Variants in NPFFR2 observed in about 807,000 individuals in gnomAD.
NPFFR2 encodes the protein neuropeptide FF receptor 2.
NPFFR2 carries 15 observed loss-of-function variants against 13.1 expected under a neutral mutation model. The observed-to-expected ratio is 1.15, with a 90% confidence interval of 0.77 to 1.76. The LOEUF is 1.76. Among genes scored for constraint, NPFFR2 ranks in the 40% most tolerant of loss-of-function variants. NPFFR2 has a pLI of 0.00. For synonymous variants in NPFFR2, 190 were observed against 175.7 expected, an observed-to-expected ratio of 1.08 and a Z score of -0.65; for missense variants, 572 against 503.5, an observed-to-expected ratio of 1.14 and a Z score of -1.30.
intron 1 of NPFFR2, among the ~76,000 whole-genome samples, chr4:72,049,614 G>A (rs1560394495): frequency 6.6e-6 from 1 of 151,924 alleles, no homozygotes; most frequent in African/African-American, 2.4e-5. Context: ...ATATGATTTG[G>A]CAACTAAGAG....
At chr4:72,043,023 C>A (rs950090087) in intron 1 of NPFFR2, among the ~76,000 whole-genome samples, 2 of 152,188 alleles carry the variant, frequency 1.3e-5, no homozygotes, top group African/African-American at 4.8e-5. Context: ...TCCAGGCCCC[C>A]TTGCTGTGTT....
At chr4:72,118,127 A>G (rs1045619353) in intron 1 of NPFFR2, among the ~76,000 whole-genome samples, 2 of 152,232 alleles carry the variant, frequency 1.3e-5, no homozygotes, top group Admixed American at 6.5e-5. Flanking sequence ...TGTGCTTTAT[A>G]TAAATTATAT....
intron 1 of NPFFR2, among the ~76,000 whole-genome samples, chr4:72,092,902 C>G (rs1204023043): frequency 6.6e-6 from 1 of 151,796 alleles, no homozygotes; most frequent in Non-Finnish European, 1.5e-5. Flanking sequence ...TGAATACCTT[C>G]TTTTCATCAT....
chr4:72,080,975 A>G (rs973882731), intron 1 of NPFFR2, among the ~76,000 whole-genome samples: 11 of 152,148 alleles, frequency 7.2e-5, no homozygotes, highest in Non-Finnish European at 1.0e-4. Context: ...AGATCCCTCC[A>G]CAACCTCCCT....
chr4:72,087,231 C>T (rs907862784), intron 1 of NPFFR2, among the ~76,000 whole-genome samples: 8 of 152,012 alleles, frequency 5.3e-5, no homozygotes, highest in Non-Finnish European at 1.0e-4. Context: ...TTATGGTCAA[C>T]GCAGCAGCTT....
At chr4:72,080,691 G>A (rs961724217) in intron 1 of NPFFR2, among the ~76,000 whole-genome samples, 3 of 152,128 alleles carry the variant, frequency 2.0e-5, no homozygotes, top group African/African-American at 7.2e-5. Flanking sequence ...TAGGAGCTAT[G>A]TTCTCCATAA....
intron 1 of NPFFR2, among the ~76,000 whole-genome samples, chr4:72,110,156 C>A (rs972962994): frequency 2.0e-5 from 3 of 151,888 alleles, no homozygotes; most frequent in African/African-American, 7.3e-5. Context: ...GGGGTGGTTA[C>A]CCCCATGCTG....
intron 1 of NPFFR2, among the ~76,000 whole-genome samples, chr4:72,076,021 G>C (rs1373512853): frequency 2.0e-4 from 1 of 5,120 alleles, no homozygotes; most frequent in African/African-American, 3.4e-4. Flanking sequence ...AGAGAGAGAG[G>C]GCAGACAGCA....
intron 3 of NPFFR2, among the ~76,000 whole-genome samples, chr4:72,139,329 T>G (rs1167716859): frequency 1.3e-5 from 2 of 152,224 alleles, no homozygotes; most frequent in Non-Finnish European, 2.9e-5. Flanking sequence ...ATGAAGTCCT[T>G]GCCCATTCCT....
chr4:72,146,315 T>A (rs1259052357), intron 3 of NPFFR2, among the ~76,000 whole-genome samples: 1 of 152,158 alleles, frequency 6.6e-6, no homozygotes, highest in Non-Finnish European at 1.5e-5. Context: ...TTCATCTAAT[T>A]CAAGCTTCTT....
intron 1 of NPFFR2, among the ~76,000 whole-genome samples, chr4:72,060,876 T>G (rs1719900051): frequency 1.3e-5 from 2 of 152,162 alleles, no homozygotes; most frequent in African/African-American, 4.8e-5. Flanking sequence ...CTGTGATAAT[T>G]TAAGTAACTT....
intron 1 of NPFFR2, among the ~76,000 whole-genome samples, chr4:72,040,046 T>C (rs1217146788): frequency 6.6e-6 from 1 of 152,180 alleles, no homozygotes; most frequent in Non-Finnish European, 1.5e-5. Flanking sequence ...ATATTAGTCT[T>C]TTTCTCAATT....
intron 1 of NPFFR2, among the ~76,000 whole-genome samples, chr4:72,076,159 A>C (rs1181927648): frequency 1.4e-5 from 2 of 139,440 alleles, no homozygotes; most frequent in Middle Eastern, 3.4e-3. Context: ...CTAGAAAAAT[A>C]ATTGATGCTA....
chr4:72,110,724 C>T (rs1722152127), intron 1 of NPFFR2, among the ~76,000 whole-genome samples: 2 of 152,110 alleles, frequency 1.3e-5, no homozygotes, highest in South Asian at 4.1e-4. Context: ...TCACTGAACT[C>T]TTTCATTTCT....
chr4:72,053,186 G>T (rs886092724), intron 1 of NPFFR2, among the ~76,000 whole-genome samples: 1 of 151,778 alleles, frequency 6.6e-6, no homozygotes, highest in East Asian at 1.9e-4. Flanking sequence ...GACTCATTTT[G>T]TCAACAACTT....
chr4:72,076,609 G>T (rs1187759071), intron 1 of NPFFR2, among the ~76,000 whole-genome samples: 1 of 152,164 alleles, frequency 6.6e-6, no homozygotes, highest in African/African-American at 2.4e-5. Flanking sequence ...AAGCCAAACT[G>T]CTGTGTGTGG....
intron 1 of NPFFR2, among the ~76,000 whole-genome samples, chr4:72,043,160 G>A (rs1231712496): frequency 2.0e-5 from 3 of 152,200 alleles, no homozygotes; most frequent in African/African-American, 7.2e-5. Context: ...TCCTGCAGGT[G>A]CACAGAAGAC....
At chr4:72,104,107 A>G (rs1305902036) in intron 1 of NPFFR2, among the ~76,000 whole-genome samples, 1 of 152,078 alleles carries the variant, frequency 6.6e-6, no homozygotes, top group Admixed American at 6.6e-5. Context: ...AAGGTTCACC[A>G]TCCCCTGCCC....
intron 1 of NPFFR2, among the ~76,000 whole-genome samples, chr4:72,122,123 A>C (rs1211277764): frequency 1.3e-5 from 2 of 152,184 alleles, no homozygotes; most frequent in Non-Finnish European, 2.9e-5. Context: ...GATAAAACAG[A>C]CTTTAAACTG....
Sources: gnomAD v4.1 joint callset for allele counts (sites outside exome capture counted in the v4.1 genomes callset) on GRCh38, gnomAD v4.1.1 for gene constraint, MANE v1.5 for transcripts, NCBI Gene and HGNC (gene_info 2026-07-23, HGNC 2026-07-21) for gene names.